HEATR4: variants seen among roughly 807,000 people sequenced by gnomAD.
HEATR4 encodes the protein HEAT repeat containing 4, also known as HEAT repeat-containing protein 4.
In HEATR4, 95 loss-of-function variants were observed where a neutral mutation model predicts 108.8. The ratio of observed to expected loss-of-function variants is 0.87; its 90% CI spans 0.74 to 1.04. The LOEUF is 1.04. Ranked by LOEUF, HEATR4 falls within the 50% of genes least tolerant of loss-of-function variation. HEATR4 has a pLI of 0.00. For missense variants in HEATR4, 1,152 were observed against 1,253.8 expected (o/e 0.92, Z 1.23); for synonymous variants, 443 against 459.4 (o/e 0.96, Z 0.46).
the HEATR4 span, among the ~76,000 whole-genome samples, chr14:73,585,178 G>A: frequency 5.3e-5 from 8 of 152,080 alleles, no homozygotes; most frequent in Non-Finnish European, 1.2e-4. Context: ...GACTCCCACT[G>A]TTCCTGTCTC....
the HEATR4 span, chr14:73,569,077 A>T: frequency 3.8e-5 from 33 of 859,524 alleles, no homozygotes; most frequent in African/African-American, 8.3e-5. Flanking sequence ...CCTAGGAAGT[A>T]GCTTTCCAAC....
intron 15 of HEATR4, among the ~76,000 whole-genome samples, chr14:73,496,143 A>G (rs1013986204): frequency 1.3e-5 from 2 of 152,148 alleles, no homozygotes; most frequent in African/African-American, 4.8e-5. Context: ...CAAAAAAAAA[A>G]GCAAAAATTA....
At chr14:73,627,003 G>C in the HEATR4 span, among the ~76,000 whole-genome samples, 36 of 151,400 alleles carry the variant, frequency 2.4e-4, 1 homozygote, top group Admixed American at 2.3e-3. Flanking sequence ...AGTTGGTCAG[G>C]CTGGTCTCAA....
chr14:73,588,106 A>G, the HEATR4 span, among the ~76,000 whole-genome samples: 1 of 151,446 alleles, frequency 6.6e-6, no homozygotes, highest in South Asian at 2.1e-4. Flanking sequence ...GGTTCAAGCG[A>G]TTCTCCTGCC....
chr14:73,570,182 T>G, the HEATR4 span, among the ~76,000 whole-genome samples: 2 of 151,056 alleles, frequency 1.3e-5, no homozygotes, highest in African/African-American at 2.4e-5. Context: ...CGGAGGTTAG[T>G]GTAAAGAAAC....
At chr14:73,479,439 CTT>C (rs71112760) in intron 17 of HEATR4, among the ~76,000 whole-genome samples, 1 of 107,642 alleles carries the variant, frequency 9.3e-6, no homozygotes, top group African/African-American at 3.8e-5. Context: ...TTCTTTCTTT[CTT>C]TTTTTTTTTT....
At chr14:73,569,739 G>A in the HEATR4 span, 1 of 1,609,570 alleles carries the variant, frequency 6.2e-7, no homozygotes, top group Non-Finnish European at 8.5e-7. Flanking sequence ...CTTGGCCGTG[G>A]AGCTGGAGGT....
rs115176998 is a variant in HEATR4, at chr14:73,522,819, G to T, written c.334C>A (p.Arg112=). 6.2e-5 allele frequency: 100 copies of T among 1,614,172 alleles called. No individual in the cohort carries two copies. In the African/African-American group the frequency reaches 9.9e-4, roughly 16 times the overall value. Residue 112 remains arginine (R), a synonymous_variant, in exon 3 of 18, where the codon CGG becomes AGG. Coordinates refer to ENST00000553558, the MANE Select transcript of HEATR4 (RefSeq NM_001220484.1). ...TTGAAGCTAACAGGTTTCTGAGGCCGGGCCTTCCTGATCTGGGGAGTATGG... is the reference window on the plus strand; with the variant it reads ...TTGAAGCTAACAGGTTTCTGAGGCCTGGCCTTCCTGATCTGGGGAGTATGG... The part of the protein sequence containing the change: ...IIHTPQIRKA[R]PQKPVSFKFL...
the HEATR4 span, among the ~76,000 whole-genome samples, chr14:73,603,572 C>T: frequency 6.6e-6 from 1 of 152,066 alleles, no homozygotes; most frequent in Non-Finnish European, 1.5e-5. Flanking sequence ...CCAGGATGGT[C>T]TCGATCTCCT....
the HEATR4 span, chr14:73,592,365 C>G: frequency 6.3e-7 from 1 of 1,581,772 alleles, no homozygotes. Flanking sequence ...AGGGGTGCGG[C>G]GCCAGTCGGT....
chr14:73,510,063 G>A (rs184832633), intron 7 of HEATR4, among the ~76,000 whole-genome samples: 294 of 150,476 alleles, frequency 2.0e-3, no homozygotes, highest in African/African-American at 7.1e-3. Flanking sequence ...GGATTTCACC[G>A]TGTTAGCCAG....
rs1368216195 is a variant in HEATR4 at position 73,492,954 on chromosome 14, A to T, written c.2844+112T>A. 6.2e-7 allele frequency: 1 copy of T among 1,602,484 alleles called. No homozygotes were observed. Among genetic ancestry groups the T allele is most frequent in the Admixed American group, 1.7e-5 (1 of 59,236 alleles). The stretch of plus-strand genomic sequence containing the variant: ...CTAGCCCTAAATTAGTTTCTTGTTG[A>T]TTGCTGGAAACAAGGCAGTAGTGAT... On this transcript the variant is annotated intron_variant, in intron 17 of 17. Coordinates refer to ENST00000553558, the MANE Select transcript of HEATR4 (RefSeq NM_001220484.1). The surrounding 1 kb of genome is among the most constrained non-coding windows in gnomAD (Gnocchi z 4.9).
the HEATR4 span, among the ~76,000 whole-genome samples, chr14:73,625,938 C>G: frequency 3.9e-5 from 6 of 152,312 alleles, no homozygotes; most frequent in Admixed American, 3.3e-4. Flanking sequence ...CACTTTAAAT[C>G]AAAAGCTAGA....
the HEATR4 span, among the ~76,000 whole-genome samples, chr14:73,614,610 A>G: frequency 6.6e-6 from 1 of 151,590 alleles, no homozygotes; most frequent in Admixed American, 6.6e-5. Flanking sequence ...AGCCAGGCAT[A>G]GTGGCTCACA....
Position 73,523,035 on chromosome 14 carries a change from A to C in HEATR4, c.118T>G (p.Cys40Gly), listed in dbSNP as rs746631556. The C allele has an allele frequency of 1.2e-5, 19 of 1,613,850 alleles. No individual in the cohort carries two copies. Among genetic ancestry groups the C allele is most frequent in the Non-Finnish European group, 1.5e-5 (18 of 1,180,002 alleles). Reference protein sequence around the residue: ...NYSKLKGKEECASVSSVPMVF... With the variant: ...NYSKLKGKEEGASVSSVPMVF... ...ATAGGCACACTGGAGACAGAGGCAC[A>C]CTCCTCCTTGCCTTTCAATTTTGAG... is the stretch of plus-strand genomic sequence containing the variant. Residue 40 changes from cysteine (C) to glycine (G), a missense_variant, in exon 3 of 18, where the codon TGT becomes GGT. Physicochemically the swap from Cys to Gly is radical, Grantham distance 159. Coordinates refer to ENST00000553558, the MANE Select transcript of HEATR4 (RefSeq NM_001220484.1).
the HEATR4 span, chr14:73,595,811 T>A: frequency 2.3e-6 from 2 of 881,966 alleles, no homozygotes; most frequent in Non-Finnish European, 3.2e-6. Flanking sequence ...TGTCGTTAGT[T>A]TTACTAATGT....
chr14:73,619,252 G>A, the HEATR4 span: 6 of 1,590,250 alleles, frequency 3.8e-6, no homozygotes, highest in Non-Finnish European at 4.3e-6. Context: ...TCCTAGTATT[G>A]CGCTTCTTGG....
chr14:73,570,921 A>T, the HEATR4 span, among the ~76,000 whole-genome samples: 408 of 137,706 alleles, frequency 3.0e-3, 1 homozygote, highest in African/African-American at 0.01. Context: ...AAAAAAAAAA[A>T]TTCAGGTAGT....
At chr14:73,621,339 T>C in the HEATR4 span, among the ~76,000 whole-genome samples, 4 of 152,184 alleles carry the variant, frequency 2.6e-5, no homozygotes, top group Admixed American at 1.3e-4. Flanking sequence ...GAGGAATGCC[T>C]TGATGCCAAG....
Sources: gnomAD v4.1 joint callset for allele counts (sites outside exome capture counted in the v4.1 genomes callset) on GRCh38, gnomAD v4.1.1 for gene constraint, Gnocchi (gnomAD v3.1) non-coding constraint, MANE v1.5 for transcripts, NCBI Gene and HGNC (gene_info 2026-07-23, HGNC 2026-07-21) for gene names.